ZNF334: variants seen among roughly 807,000 people sequenced by gnomAD.
The protein encoded by ZNF334 is zinc finger protein 334.
In ZNF334, 14 loss-of-function variants were observed where a neutral mutation model predicts 12.4. The ratio of observed to expected loss-of-function variants is 1.13; its 90% confidence interval spans 0.74 to 1.76. ZNF334 has a LOEUF of 1.76. Among genes scored for constraint, ZNF334 ranks in the 40% most tolerant of loss-of-function variants. The pLI, the probability that ZNF334 is intolerant of heterozygous loss-of-function variation, is 0.00. For missense variants in ZNF334, 797 were observed against 804.5 expected (o/e 0.99, Z 0.11); for synonymous variants, 273 against 269.6 (o/e 1.01, Z -0.12).
chr20:46,493,487 C>T, the ZNF334 span, among the ~76,000 whole-genome samples: 1 of 152,106 alleles, frequency 6.6e-6, no homozygotes, highest in African/African-American at 2.4e-5. Context: ...ATGGTTTCTG[C>T]TGTCTTGTCT....
chr20:46,485,414 A>G, the ZNF334 span: 1 of 151,894 alleles, frequency 6.6e-6, no homozygotes, highest in Non-Finnish European at 1.5e-5. Flanking sequence ...GTTAGCTCGG[A>G]AAAGTGTCAC....
At chr20:46,465,104 A>T in the ZNF334 span, 64 of 253,258 alleles carry the variant, frequency 2.5e-4, 1 homozygote, top group East Asian at 2.2e-3. Flanking sequence ...CATGCACAAA[A>T]TACCAGCAGG....
At chr20:46,511,386 G>T (rs1161772075) in intron 2 of ZNF334, among the ~76,000 whole-genome samples, 2 of 152,160 alleles carry the variant, frequency 1.3e-5, no homozygotes, top group Non-Finnish European at 2.9e-5. Context: ...TACTCATTGG[G>T]TTTGAAAATA....
chr20:46,509,670 T>C, intron 2 of ZNF334: 1 of 702,986 alleles, frequency 1.4e-6, no homozygotes. Context: ...TGCGCACACT[T>C]CCAGGTTGCA....
chr20:46,493,240 T>C, the ZNF334 span, among the ~76,000 whole-genome samples: 1 of 152,204 alleles, frequency 6.6e-6, no homozygotes, highest in Non-Finnish European at 1.5e-5. Flanking sequence ...TTTCACTGGA[T>C]TAACAAATAG....
At chr20:46,495,927 G>A (rs542457371), downstream of ZNF334, among the ~76,000 whole-genome samples, 47 of 152,216 alleles carry the variant, frequency 3.1e-4, 1 homozygote, top group South Asian at 8.5e-3. Context: ...CTCATGCATG[G>A]CCACGGTGGT....
chr20:46,465,075 T>A, the ZNF334 span: 2 of 291,896 alleles, frequency 6.9e-6, no homozygotes, highest in African/African-American at 4.5e-5. Context: ...GCGACAGTTA[T>A]GTCCTTCCTT....
At chr20:46,468,962 T>C in the ZNF334 span, among the ~76,000 whole-genome samples, 2 of 152,198 alleles carry the variant, frequency 1.3e-5, no homozygotes, top group African/African-American at 4.8e-5. Context: ...TATAGTTTCA[T>C]TTGAAATGTA....
the ZNF334 span, among the ~76,000 whole-genome samples, chr20:46,471,114 C>T: frequency 6.6e-6 from 1 of 152,310 alleles, no homozygotes; most frequent in Middle Eastern, 3.4e-3. Flanking sequence ...CTTGCCAAAA[C>T]TTGGTATTGT....
the ZNF334 span, among the ~76,000 whole-genome samples, chr20:46,468,710 A>G: frequency 1.4e-4 from 21 of 152,178 alleles, no homozygotes; most frequent in Middle Eastern, 3.2e-3. Flanking sequence ...CAGTGTTGCC[A>G]TGGCAACGGT....
the ZNF334 span, among the ~76,000 whole-genome samples, chr20:46,488,842 C>A: frequency 3.8e-4 from 55 of 146,528 alleles, no homozygotes; most frequent in African/African-American, 1.4e-3. Context: ...TATTTTGTTC[C>A]ATTATCTTTT....
chr20:46,488,424 TA>T, the ZNF334 span, among the ~76,000 whole-genome samples: 13 of 122,952 alleles, frequency 1.1e-4, 1 homozygote, highest in African/African-American at 2.4e-4. Context: ...TTATTTTATA[TA>T]TATATATATA....
At chr20:46,507,396 G>T (rs539069812) in intron 2 of ZNF334, among the ~76,000 whole-genome samples, 1 of 152,094 alleles carries the variant, frequency 6.6e-6, no homozygotes, top group Non-Finnish European at 1.5e-5. Flanking sequence ...ACACAACCTG[G>T]GTTCCTAGGT....
At chr20:46,504,406 G>T in intron 3 of ZNF334, 100 bp from the exon 4 acceptor site, 1 of 1,204,570 alleles carries the variant, frequency 8.3e-7, no homozygotes, top group Non-Finnish European at 1.2e-6. Flanking sequence ...CAATGAAGAT[G>T]CCCAGCAATA....
At chr20:46,504,345 T>C in intron 3 of ZNF334, 39 bp from the exon 4 acceptor site, 1 of 1,554,586 alleles carries the variant, frequency 6.4e-7, no homozygotes, top group African/African-American at 1.4e-5. Context: ...CCAAGATCTT[T>C]GGACATCAGA....
At chr20:46,479,290 C>A in the ZNF334 span, among the ~76,000 whole-genome samples, 15 of 152,178 alleles carry the variant, frequency 9.9e-5, 1 homozygote, top group South Asian at 2.5e-3. Context: ...CAGACCCACC[C>A]GGATAATCCA....
rs147471748 is a variant in ZNF334 at position 46,506,097 on chromosome 20, C to T, written c.22-1357G>A. The stretch of plus-strand genomic sequence containing the variant: ...GAATCGAGCATAGGAAATGAAGGCA[C>T]TGATCTTTACCATGCTGTGCTTGAA... On this transcript the variant is annotated intron_variant, in intron 2 of 4. Coordinates refer to ENST00000692313, the MANE Select transcript of ZNF334 (RefSeq NM_001353824.2). 4.1e-3 allele frequency: 1,524 copies of T among 369,426 alleles called. 20 individuals are homozygous for T. The highest frequency in any genetic ancestry group is 0.028 in the African/African-American group (1,336 of 48,140). The allele number at this position is 369,426 out of a possible 1,614,324, so 22.9% of individuals were successfully genotyped here.
the ZNF334 span, chr20:46,481,262 C>T: frequency 1.3e-5 from 2 of 152,182 alleles, no homozygotes; most frequent in Non-Finnish European, 2.9e-5. Context: ...GATGCAGCTC[C>T]CCATTCTGGT....
At chr20:46,480,687 G>A in the ZNF334 span, among the ~76,000 whole-genome samples, 4 of 152,164 alleles carry the variant, frequency 2.6e-5, no homozygotes, top group Non-Finnish European at 5.9e-5. Flanking sequence ...TGCAGGTAGT[G>A]AGCTGGGCTT....
Sources: gnomAD v4.1 joint callset for allele counts (sites outside exome capture counted in the v4.1 genomes callset) on GRCh38, gnomAD v4.1.1 for gene constraint, MANE v1.5 for transcripts, NCBI Gene and HGNC (gene_info 2026-07-23, HGNC 2026-07-21) for gene names.